The following RAG1 variants were observed in gnomAD, a reference collection of about 807,000 sequenced individuals.
The protein encoded by RAG1 is recombination activating 1.
A neutral mutation model predicts 62.7 loss-of-function variants in RAG1; 35 were observed. The observed-to-expected ratio is 0.56, with a 90% CI of 0.43 to 0.74. The LOEUF (loss-of-function observed/expected upper bound fraction) is 0.74, where lower values mean the gene tolerates loss of function less well. RAG1 is among the 30% of genes least tolerant of loss of function. The pLI is 0.00. For synonymous variants in RAG1, 461 were observed against 470.3 expected (o/e 0.98, Z 0.26); for missense variants, 1,169 against 1,278.6 (o/e 0.91, Z 1.31).
At chr11:36,512,218 C>G (rs935339178) in intron 1 of RAG1, among the ~76,000 whole-genome samples, 5 of 152,174 alleles carry the variant, frequency 3.3e-5, no homozygotes, top group Admixed American at 6.5e-5. Flanking sequence ...GGATGCATAT[C>G]ATTCCTAGGT....
At chr11:36,561,993 G>A (rs989195984) in intron 3 of RAG1, among the ~76,000 whole-genome samples, 1 of 152,206 alleles carries the variant, frequency 6.6e-6, no homozygotes, top group Non-Finnish European at 1.5e-5. Context: ...GGAGGCTACT[G>A]TGGCTGCGGG....
At chr11:36,557,767 G>T (rs968166156) in intron 3 of RAG1, among the ~76,000 whole-genome samples, 13 of 152,100 alleles carry the variant, frequency 8.5e-5, no homozygotes, top group Non-Finnish European at 2.9e-5. Flanking sequence ...CTCTCACTTT[G>T]GTTAATATCT....
At chr11:36,557,690 T>G (rs997563968) in intron 3 of RAG1, among the ~76,000 whole-genome samples, 2 of 152,294 alleles carry the variant, frequency 1.3e-5, no homozygotes, top group African/African-American at 4.8e-5. Context: ...GAGGTACTGG[T>G]GGTTAGAAAT....
chr11:36,571,660 G>A (rs926063505), intron 1 of RAG1, among the ~76,000 whole-genome samples: 1 of 152,092 alleles, frequency 6.6e-6, no homozygotes, highest in Non-Finnish European at 1.5e-5. Context: ...TGTCATCCAG[G>A]CTGGGTTGCA....
rs1255898910 is a variant in RAG1, at chr11:36,574,676, A to G, written c.1372A>G (p.Met458Val). 1 of 1,614,148 alleles carries G rather than the reference A, an allele frequency of 6.2e-7. No individual in the cohort carries two copies. Among genetic ancestry groups the G allele is most frequent in the East Asian group, 2.2e-5 (1 of 44,896 alleles). Residue 458 changes from methionine to valine, a missense_variant, in exon 2 of 2, where the codon ATG becomes GTG. Met to Val is a conservative substitution (Grantham distance 21). Coordinates refer to ENST00000299440, the MANE Select transcript of RAG1 (RefSeq NM_000448.3). ...HRQADELEAI[M>V]QGKGSGLQPA... ...GCAAGCTGATGAGCTGGAGGCCATC[A>G]TGCAGGGAAAGGGCTCTGGCCTGCA...
intron 3 of RAG1, among the ~76,000 whole-genome samples, chr11:36,560,924 A>G (rs992829725): frequency 5.3e-5 from 8 of 152,184 alleles, no homozygotes; most frequent in Non-Finnish European, 1.0e-4. Flanking sequence ...TCCGCGTTAG[A>G]CGCTGTACTC....
chr11:36,534,106 T>C (rs1860292740), intron 2 of RAG1, among the ~76,000 whole-genome samples: 1 of 152,110 alleles, frequency 6.6e-6, no homozygotes, highest in South Asian at 2.1e-4. Flanking sequence ...TTTTAAATAT[T>C]TATATCTATT....
rs1850898279 is a variant in RAG1 at position 36,579,222 on chromosome 11, C to T, written c.*2786C>T. On this transcript the variant is annotated 3_prime_UTR_variant, in exon 2 of 2. Transcript: ENST00000299440. ...ATTACATCAAACAGAGTTCAAATTC[C>T]ACACAGATAAGAGGCAGGATATATA... The T allele has an allele frequency of 6.0e-6, 1 of 166,988 alleles. No homozygotes were observed. Among genetic ancestry groups the T allele is most frequent in the Admixed American group, 6.5e-5 (1 of 15,276 alleles). The allele number at this position is 166,988 out of a possible 1,614,324, so 10.3% of individuals were successfully genotyped here.
chr11:36,513,252 A>G (rs1291831757), intron 1 of RAG1, among the ~76,000 whole-genome samples: 1 of 152,208 alleles, frequency 6.6e-6, no homozygotes, highest in East Asian at 1.9e-4. Flanking sequence ...TCTGTTCATT[A>G]TAAATTACCC....
At chr11:36,540,149 A>C (rs1442331956), downstream of RAG1, among the ~76,000 whole-genome samples, 3 of 152,206 alleles carry the variant, frequency 2.0e-5, no homozygotes, top group Non-Finnish European at 4.4e-5. Flanking sequence ...AGAGTCGAGA[A>C]GCCGGGGGGA....
At chr11:36,545,422 G>A (rs1850378336) in intron 3 of RAG1, among the ~76,000 whole-genome samples, 1 of 152,120 alleles carries the variant, frequency 6.6e-6, no homozygotes, top group Admixed American at 6.5e-5. Flanking sequence ...GTGAGTCATA[G>A]AGAAAAGACC....
rs1850774692 is a variant in RAG1 at position 36,573,240 on chromosome 11, C to A, written c.-14-51C>A. 14 of 1,534,536 alleles carry A rather than the reference C, an allele frequency of 9.1e-6. No homozygotes were observed. The South Asian group carries it at 1.2e-4, about 14-fold the overall frequency. The stretch of plus-strand genomic sequence containing the variant: ...TATTTTTATTATTTATAAGATACAT[C>A]AGTGGGATATTGATATTGGTCTTAA... On this transcript the variant is annotated intron_variant, in intron 1 of 1. Coordinates refer to ENST00000299440, the MANE Select transcript of RAG1 (RefSeq NM_000448.3).
At chr11:36,532,081 GT>G (rs1278208464) in intron 2 of RAG1, among the ~76,000 whole-genome samples, 1 of 151,558 alleles carries the variant, frequency 6.6e-6, no homozygotes, top group Non-Finnish European at 1.5e-5. Flanking sequence ...GATATTTCAT[GT>G]TTTTATTGCA....
intron 1 of RAG1, among the ~76,000 whole-genome samples, chr11:36,518,401 C>T (rs1860027081): frequency 6.6e-6 from 1 of 152,164 alleles, no homozygotes; most frequent in African/African-American, 2.4e-5. Context: ...TTCTAGATCC[C>T]TGAGGAATCG....
chr11:36,532,889 T>A (rs1340642167), intron 2 of RAG1, among the ~76,000 whole-genome samples: 1 of 152,214 alleles, frequency 6.6e-6, no homozygotes, highest in Non-Finnish European at 1.5e-5. Context: ...TAGTTTATTG[T>A]TAATATCTTA....
chr11:36,540,133 TA>T (rs758403571), downstream of RAG1, among the ~76,000 whole-genome samples: 7 of 152,164 alleles, frequency 4.6e-5, no homozygotes, highest in Non-Finnish European at 7.3e-5. Flanking sequence ...TATACCTAAC[TA>T]AAACAGAGTC....
downstream of RAG1, among the ~76,000 whole-genome samples, chr11:36,537,777 T>C (rs1262179934): frequency 6.6e-6 from 1 of 152,208 alleles, no homozygotes; most frequent in Non-Finnish European, 1.5e-5. Flanking sequence ...TACATTTCAT[T>C]TGATTTGATT....
At chr11:36,564,522 A>G (rs920281644), upstream of RAG1, among the ~76,000 whole-genome samples, 6 of 152,328 alleles carry the variant, frequency 3.9e-5, no homozygotes, top group Admixed American at 2.6e-4. Context: ...TTTTTCTGAT[A>G]GTCAAGAATA....
chr11:36,576,088 G>T lies in RAG1; in HGVS notation c.2784G>T (p.Lys928Asn). Reference protein sequence around the residue: ...RFAELLSTKFKYRYEGKITNY... With the variant: ...RFAELLSTKFNYRYEGKITNY... ...CTGAGCTCCTTTCTACGAAGTTCAA[G>T]TATAGGTATGAGGGAAAAATCACCA... Residue 928 changes from lysine (K) to asparagine (N), a missense_variant, in exon 2 of 2, where the codon AAG (lysine) becomes AAT (asparagine). Physicochemically the swap from Lys to Asn is moderately conservative, Grantham distance 94. Transcript: ENST00000299440. 2 of 1,614,000 alleles carry T rather than the reference G, an allele frequency of 1.2e-6. No homozygotes were observed. The highest frequency in any genetic ancestry group is 2.2e-5 in the South Asian group (2 of 91,080).
Sources: gnomAD v4.1 joint callset for allele counts (sites outside exome capture counted in the v4.1 genomes callset) on GRCh38, gnomAD v4.1.1 for gene constraint, MANE v1.5 for transcripts, NCBI Gene and HGNC (gene_info 2026-07-23, HGNC 2026-07-21) for gene names.